MB21D2: variants seen among roughly 807,000 people sequenced by gnomAD.
MB21D2 encodes the protein nucleotidyltransferase MB21D2.
MB21D2 carries 9 observed loss-of-function variants against 33.3 expected under a neutral mutation model. The ratio of observed to expected loss-of-function variants is 0.27; its 90% CI spans 0.16 to 0.47. MB21D2 has a LOEUF of 0.47. Among genes scored for constraint, MB21D2 ranks in the 20% least tolerant of loss-of-function variants. The pLI, the probability that MB21D2 is intolerant of heterozygous loss-of-function variation, is 0.99. For synonymous variants in MB21D2, 241 were observed against 236.3 expected (o/e 1.02, Z -0.18); for missense variants, 540 against 624.6 (o/e 0.86, Z 1.44).
chr3:192,881,760 T>C (rs549850787), intron 1 of MB21D2, among the ~76,000 whole-genome samples: 19 of 152,266 alleles, frequency 1.2e-4, no homozygotes, highest in African/African-American at 3.9e-4. Flanking sequence ...TCAGGTCAGA[T>C]GGCTAACACA....
At chr3:192,834,142 A>T (rs1712380546) in intron 1 of MB21D2, among the ~76,000 whole-genome samples, 1 of 152,092 alleles carries the variant, frequency 6.6e-6, no homozygotes. Context: ...GAGGTCCCTC[A>T]GATTCTCTGA....
chr3:192,812,928 C>T (rs2108612870), intron 1 of MB21D2, among the ~76,000 whole-genome samples: 1 of 152,300 alleles, frequency 6.6e-6, no homozygotes, highest in East Asian at 1.9e-4. Flanking sequence ...TTCCCAAAAA[C>T]TGCCAGGAGA....
intron 1 of MB21D2, among the ~76,000 whole-genome samples, chr3:192,889,315 G>A (rs1028142442): frequency 6.6e-6 from 1 of 152,086 alleles, no homozygotes. Flanking sequence ...CTAAGACACT[G>A]AAGCATGTGA....
intron 1 of MB21D2, among the ~76,000 whole-genome samples, chr3:192,809,868 A>G (rs1384283669): frequency 2.0e-5 from 3 of 152,348 alleles, no homozygotes; most frequent in African/African-American, 7.2e-5. Context: ...ACATTCCACA[A>G]GTGTTTTAAT....
chr3:192,865,547 A>T (rs1489757127), intron 1 of MB21D2, among the ~76,000 whole-genome samples: 1 of 152,234 alleles, frequency 6.6e-6, no homozygotes, highest in Non-Finnish European at 1.5e-5. Context: ...TTTCAGAAAC[A>T]TGATCAAATT....
intron 1 of MB21D2, among the ~76,000 whole-genome samples, chr3:192,860,937 G>A (rs978992506): frequency 6.6e-6 from 1 of 152,166 alleles, no homozygotes; most frequent in African/African-American, 2.4e-5. Flanking sequence ...GATGATTTCT[G>A]AAGTGCTAGA....
intron 1 of MB21D2, among the ~76,000 whole-genome samples, chr3:192,856,051 T>C (rs1712909727): frequency 6.6e-6 from 1 of 152,190 alleles, no homozygotes; most frequent in Non-Finnish European, 1.5e-5. Flanking sequence ...AGCAAGATTC[T>C]GTCTCAAAAA....
At chr3:192,877,947 C>T (rs1713470271) in intron 1 of MB21D2, among the ~76,000 whole-genome samples, 1 of 151,318 alleles carries the variant, frequency 6.6e-6, no homozygotes, top group African/African-American at 2.4e-5. Flanking sequence ...AATCATTACC[C>T]TCCTTTCACA....
Position 192,799,598 on chromosome 3 carries a change from C to T in MB21D2, c.264G>A (p.Leu88=). The change falls in exon 2 of 2, where the codon TTG becomes TTA. Residue 88 remains leucine (L), a synonymous_variant. Transcript: ENST00000392452. This position sits in a 1 kb window ranked among gnomAD's most constrained non-coding sequence, Gnocchi z 4.1. ...QKLPVANEYL[L]LSGGVREGVV... Reference sequence around the variant, plus strand: ...CGCCTTCCCGGACACCTCCAGAGAGCAACAGGTATTCATTAGCCACTGGAA... The same window carrying T: ...CGCCTTCCCGGACACCTCCAGAGAGTAACAGGTATTCATTAGCCACTGGAA... 4.3e-6 allele frequency: 7 copies of T among 1,614,088 alleles called. No individual in the cohort carries two copies. The highest frequency in any genetic ancestry group is 5.1e-6 in the Non-Finnish European group (6 of 1,179,998).
chr3:192,869,171 G>A (rs1713232228), intron 1 of MB21D2, among the ~76,000 whole-genome samples: 3 of 151,844 alleles, frequency 2.0e-5, no homozygotes, highest in Admixed American at 2.0e-4. Context: ...CAGAAGAATT[G>A]CTTGAGCCCG....
chr3:192,869,034 T>C (rs1338153531), intron 1 of MB21D2, among the ~76,000 whole-genome samples: 2 of 152,070 alleles, frequency 1.3e-5, no homozygotes, highest in East Asian at 3.9e-4. Context: ...AGAGGGTGGA[T>C]CACTTGAGGT....
intron 1 of MB21D2, among the ~76,000 whole-genome samples, chr3:192,842,336 C>CT (rs1712592216): frequency 6.6e-6 from 1 of 152,222 alleles, no homozygotes; most frequent in Admixed American, 6.5e-5. Context: ...AATATGTGTG[C>CT]ATATTTAGTT....
intron 1 of MB21D2, among the ~76,000 whole-genome samples, chr3:192,802,348 G>C (rs545579575): frequency 1.1e-4 from 16 of 151,966 alleles, no homozygotes; most frequent in Non-Finnish European, 1.8e-4. Context: ...AGATCCCAAG[G>C]GTGCTGCTTC....
chr3:192,870,942 C>T (rs1300871546), intron 1 of MB21D2, among the ~76,000 whole-genome samples: 2 of 152,044 alleles, frequency 1.3e-5, no homozygotes, highest in South Asian at 2.1e-4. Context: ...TGGTTATTAC[C>T]ACCCTCAGAG....
chr3:192,917,720 G>T lies in MB21D2; in HGVS notation c.121C>A (p.Gln41Lys), dbSNP rs1272307873. The T allele has an allele frequency of 1.9e-6, 3 of 1,614,016 alleles. No individual in the cohort carries two copies. The highest frequency in any genetic ancestry group is 2.7e-5 in the African/African-American group (2 of 74,914). ...CGCTGGTCGTGCTTCGTAAATTCTT[G>T]GATGAGTTTGTTCAATTCCTCCACC... ...ARVEELNKLI[Q>K]EFTKHDQREY... The change falls in exon 1 of 2, where the codon CAA (glutamine) becomes AAA (lysine). Residue 41 changes from glutamine (Q) to lysine (K), a missense_variant. Gln to Lys is a moderately conservative substitution (Grantham distance 53). Coordinates refer to ENST00000392452, the MANE Select transcript of MB21D2 (RefSeq NM_178496.4).
intron 1 of MB21D2, among the ~76,000 whole-genome samples, chr3:192,876,785 C>T (rs979890674): frequency 6.6e-6 from 1 of 152,306 alleles, no homozygotes; most frequent in African/African-American, 2.4e-5. Flanking sequence ...TTTCCCACTC[C>T]TTCCTCCCTT....
chr3:192,812,332 G>A (rs1002365113), intron 1 of MB21D2, among the ~76,000 whole-genome samples: 2 of 112,056 alleles, frequency 1.8e-5, no homozygotes, highest in Non-Finnish European at 3.9e-5. Flanking sequence ...CACCATGCCC[G>A]GCCTGTACTT....
rs564777411 is a variant in MB21D2, at chr3:192,917,585, TCACACACACA to T, written c.211+35_211+44del. ...AATGGGTTTTCTACTCCGCTTCCCA[TCACACACACA>T]CACGCACACACACCTCCCCCTTTTT... On this transcript the variant is annotated intron_variant, in intron 1 of 1. Coordinates refer to ENST00000392452, the MANE Select transcript of MB21D2 (RefSeq NM_178496.4). 293 of 1,516,428 alleles carry T rather than the reference TCACACACACA, an allele frequency of 1.9e-4. No individual in the cohort carries two copies. The Admixed American group carries it at 2.8e-3, about 14-fold the overall frequency. The allele number at this position is 1,516,428 out of a possible 1,614,324, so 93.9% of individuals were successfully genotyped here. A position where few individuals can be genotyped will look rare whatever the true frequency, so the allele number is the denominator to read the frequency against.
chr3:192,805,404 T>A (rs1380843155), intron 1 of MB21D2, among the ~76,000 whole-genome samples: 2 of 152,210 alleles, frequency 1.3e-5, no homozygotes, highest in Non-Finnish European at 2.9e-5. Context: ...ATTAGGATAA[T>A]ATGTTTTATA....
Sources: gnomAD v4.1 joint callset for allele counts (sites outside exome capture counted in the v4.1 genomes callset) on GRCh38, gnomAD v4.1.1 for gene constraint, Gnocchi (gnomAD v3.1) non-coding constraint, MANE v1.5 for transcripts, NCBI Gene and HGNC (gene_info 2026-07-23, HGNC 2026-07-21) for gene names.